CRIM1: variants seen among roughly 807,000 people sequenced by gnomAD.
CRIM1 encodes the protein cysteine rich transmembrane BMP regulator 1.
In CRIM1, 32 loss-of-function variants were observed where a neutral mutation model predicts 116.4. The ratio of observed to expected loss-of-function variants is 0.27; its 90% CI spans 0.21 to 0.37. CRIM1 has a LOEUF of 0.37. Among genes scored for constraint, CRIM1 ranks in the 10% least tolerant of loss-of-function variants. The pLI is 1.00. For synonymous variants in CRIM1, 590 were observed against 509.2 expected, an observed-to-expected ratio of 1.16 and a Z score of -2.13; for missense variants, 1,331 against 1,354.8, an observed-to-expected ratio of 0.98 and a Z score of 0.28.
chr2:36,368,167 C>T lies in CRIM1; in HGVS notation c.331+11544C>T, dbSNP rs142531695. 5.3e-3 allele frequency among the ~76,000 whole-genome samples: 813 copies of T among 152,234 alleles called. 27 individuals are homozygous for T. Among genetic ancestry groups the T allele is most frequent in the Admixed American group, 0.038 (578 of 15,298 alleles). On this transcript the variant is annotated intron_variant, in intron 1 of 16. Transcript: ENST00000280527. ...GCAGACTGAATTTAAAGAAACATAGCAGTAATAGTGCATGAAAGGGGGTGT... is the reference window on the plus strand; with the variant it reads ...GCAGACTGAATTTAAAGAAACATAGTAGTAATAGTGCATGAAAGGGGGTGT...
chr2:36,537,026 C>G (rs1008400212), intron 13 of CRIM1, among the ~76,000 whole-genome samples: 3 of 152,124 alleles, frequency 2.0e-5, no homozygotes, highest in Admixed American at 6.5e-5. Context: ...CTTCTTGAAT[C>G]CATCTCTGTA....
At chr2:36,542,091 A>T (rs1036749972) in intron 14 of CRIM1, among the ~76,000 whole-genome samples, 16 of 152,094 alleles carry the variant, frequency 1.1e-4, no homozygotes, top group East Asian at 3.9e-4. Context: ...ATAAAGAAGG[A>T]GGTGTGGGTG....
In CRIM1 at chr2:36,524,309, A is replaced by G. The variant is rs148334267; in HGVS notation, c.2428+1996A>G. Among the ~76,000 whole-genome samples, 250 of 152,352 alleles carry G rather than the reference A, an allele frequency of 1.6e-3. 1 individual carries two copies. Among genetic ancestry groups the G allele is most frequent in the African/African-American group, 5.8e-3 (242 of 41,578 alleles). On this transcript the variant is annotated intron_variant, in intron 13 of 16. Transcript: ENST00000280527. ...TGCTACTTACCTTTTCAAAGAGCTG[A>G]CCAAAATTCACGCAACAAAATGACA... is the stretch of plus-strand genomic sequence containing the variant.
At chr2:36,514,245 T>C (rs1017021155) in intron 11 of CRIM1, among the ~76,000 whole-genome samples, 1 of 152,230 alleles carries the variant, frequency 6.6e-6, no homozygotes, top group African/African-American at 2.4e-5. Flanking sequence ...TGTGGCACTC[T>C]TGCCAAATGG....
At chr2:36,368,532 A>T (rs905569035) in intron 1 of CRIM1, among the ~76,000 whole-genome samples, 3 of 152,182 alleles carry the variant, frequency 2.0e-5, no homozygotes, top group Non-Finnish European at 4.4e-5. Context: ...GATGCCCAGC[A>T]CGGCTTCCAG....
intron 1 of CRIM1, among the ~76,000 whole-genome samples, chr2:36,382,492 CTAA>C (rs3836083): frequency 0.68 from 103,843 of 151,906 alleles, 35,918 homozygotes; most frequent in East Asian, 0.99. Context: ...AGCAAGGGTG[CTAA>C]TAATGTCCTT....
chr2:36,410,051 G>A (rs1298948557), intron 2 of CRIM1, among the ~76,000 whole-genome samples: 1 of 152,204 alleles, frequency 6.6e-6, no homozygotes, highest in African/African-American at 2.4e-5. Context: ...TTGATTCGTG[G>A]TTTCTCTTGC....
chr2:36,483,300 A>C (rs566577418), intron 7 of CRIM1, among the ~76,000 whole-genome samples: 1 of 152,324 alleles, frequency 6.6e-6, no homozygotes, highest in Admixed American at 6.5e-5. Flanking sequence ...TTAAAAACTA[A>C]AAACAAAAAA....
chr2:36,531,396 GGTTTTTT>G (rs1190707233), intron 13 of CRIM1, among the ~76,000 whole-genome samples: 36 of 151,280 alleles, frequency 2.4e-4, no homozygotes, highest in South Asian at 1.7e-3. Context: ...TTTGGTTTTT[GGTTTTTT>G]GTTTTTTTTT....
intron 1 of CRIM1, among the ~76,000 whole-genome samples, chr2:36,385,042 T>G (rs1297287696): frequency 6.6e-6 from 1 of 150,976 alleles, no homozygotes; most frequent in East Asian, 1.9e-4. Context: ...TCTTGGAGTG[T>G]GTAGTAGGAA....
At chr2:36,428,823 GA>G (rs2124891128) in intron 2 of CRIM1, among the ~76,000 whole-genome samples, 1 of 152,274 alleles carries the variant, frequency 6.6e-6, no homozygotes, top group Non-Finnish European at 1.5e-5. Flanking sequence ...ACTTGTTGCA[GA>G]AGTTTCTAAT....
rs140815803 is a variant in CRIM1 at position 36,448,078 on chromosome 2, C to T, written c.869+5343C>T. ...TAGCCAACCATTATTTTTAACCTTC[C>T]GCTTCTTGAAGAGTGCTGTGACCAC... On this transcript the variant is annotated intron_variant, in intron 4 of 16. Coordinates refer to ENST00000280527, the MANE Select transcript of CRIM1 (RefSeq NM_016441.3). 2.8e-3 allele frequency among the ~76,000 whole-genome samples: 426 copies of T among 152,314 alleles called. 1 individual carries two copies. Among genetic ancestry groups the T allele is most frequent in the African/African-American group, 9.5e-3 (395 of 41,580 alleles).
intron 1 of CRIM1, among the ~76,000 whole-genome samples, chr2:36,371,558 C>CAT (rs1669949655): frequency 6.6e-6 from 1 of 152,200 alleles, no homozygotes; most frequent in Non-Finnish European, 1.5e-5. Context: ...AGTGAGAAGC[C>CAT]ATAGCATTGC....
chr2:36,390,960 C>CATGCGT (rs1671534104), intron 1 of CRIM1, among the ~76,000 whole-genome samples: 1 of 151,864 alleles, frequency 6.6e-6, no homozygotes, highest in South Asian at 2.1e-4. Context: ...CAGGCATGCG[C>CATGCGT]CACCATACCC....
chr2:36,362,963 T>C lies in CRIM1; in HGVS notation c.331+6340T>C, dbSNP rs990204300. Among the ~76,000 whole-genome samples, 5 of 152,152 alleles carry C rather than the reference T, an allele frequency of 3.3e-5. No homozygotes were observed. In the South Asian group the frequency reaches 1.0e-3, roughly 32 times the overall value. On this transcript the variant is annotated intron_variant, in intron 1 of 16. Coordinates refer to ENST00000280527, the MANE Select transcript of CRIM1 (RefSeq NM_016441.3). Reference sequence around the variant, plus strand: ...CTGTAATCCCAGCACTTTGTGGGGCTGAGGCAGATGGATCGCCTGAGGTCA... The same window carrying C: ...CTGTAATCCCAGCACTTTGTGGGGCCGAGGCAGATGGATCGCCTGAGGTCA...
chr2:36,448,587 G>A (rs949267463), intron 4 of CRIM1, among the ~76,000 whole-genome samples: 1 of 152,078 alleles, frequency 6.6e-6, no homozygotes, highest in Non-Finnish European at 1.5e-5. Flanking sequence ...CACTTTCACT[G>A]TAAGTCACGA....
chr2:36,441,791 A>G (rs1444526851), intron 3 of CRIM1, among the ~76,000 whole-genome samples: 1 of 152,086 alleles, frequency 6.6e-6, no homozygotes, highest in Non-Finnish European at 1.5e-5. Flanking sequence ...GTTAAAATTT[A>G]TGGTACTATG....
At position 36,356,301 on chromosome 2, in the gene CRIM1, G is replaced by A. The variant is rs1169598401; in HGVS notation, c.9G>A (p.Leu3=). Residue 3 remains leucine, a synonymous_variant, in exon 1 of 17, where the codon TTG becomes TTA. Coordinates refer to ENST00000280527, the MANE Select transcript of CRIM1 (RefSeq NM_016441.3). This position sits in a 1 kb window ranked among gnomAD's most constrained non-coding sequence, Gnocchi z 4.3. MY[L]VAGDRGLAGC... ...GGCGGCGGCGCAGGAGGATGTACTT[G>A]GTGGCGGGGGACAGGGGGTTGGCCG... 6.5e-7 allele frequency: 1 copy of A among 1,530,512 alleles called. No individual in the cohort carries two copies. The highest frequency in any genetic ancestry group is 1.9e-5 in the Admixed American group (1 of 51,822). 94.8% of individuals were successfully genotyped at this position (1,530,512 alleles called of 1,614,324 possible).
intron 15 of CRIM1, among the ~76,000 whole-genome samples, chr2:36,545,643 G>T (rs1220395574): frequency 6.6e-6 from 1 of 152,146 alleles, no homozygotes; most frequent in African/African-American, 2.4e-5. Flanking sequence ...CTGCTACAAA[G>T]CTCAAAGCTA....
Sources: allele counts gnomAD v4.1 joint callset (sites outside exome capture counted in the v4.1 genomes callset), GRCh38; gene constraint gnomAD v4.1.1; non-coding constraint Gnocchi (gnomAD v3.1); transcripts MANE v1.5; gene names NCBI Gene and HGNC (gene_info 2026-07-23, HGNC 2026-07-21).